The following NPEPL1 variants were observed in gnomAD, a reference collection of about 807,000 sequenced individuals.
NPEPL1 encodes probable aminopeptidase NPEPL1.
Under a neutral mutation model 52.4 loss-of-function variants are expected in NPEPL1, and 45 were observed. The observed-to-expected ratio is 0.86, with a 90% CI of 0.68 to 1.10. The LOEUF (loss-of-function observed/expected upper bound fraction) is 1.10, where lower values mean the gene tolerates loss of function less well. NPEPL1 is among the 50% of genes least tolerant of loss of function. NPEPL1 has a pLI of 0.00. For synonymous variants in NPEPL1, 360 were observed against 314.7 expected (o/e 1.14, Z -1.52); for missense variants, 696 against 710.9 (o/e 0.98, Z 0.24).
At chr20:58,700,893 A>C (rs6070554) in intron 5 of NPEPL1, 123 bp from the exon 6 acceptor site, 1,022,913 of 1,037,666 alleles carry the variant, frequency 0.99, 504,202 homozygotes, top group East Asian at 1. Flanking sequence ...GGCAGGGAGC[A>C]CCAGGCTCAG....
chr20:58,694,038 G>A (rs2123078631), intron 2 of NPEPL1, 116 bp downstream of exon 2: 6 of 1,023,016 alleles, frequency 5.9e-6, no homozygotes, highest in Non-Finnish European at 8.3e-6. Context: ...GGCTGTGGAC[G>A]TTATCATCCC....
intron 7 of NPEPL1, among the ~76,000 whole-genome samples, chr20:58,707,915 T>C (rs759732310): frequency 1.3e-5 from 2 of 151,752 alleles, no homozygotes; most frequent in Non-Finnish European, 2.9e-5. Flanking sequence ...CCCGTTTCTA[T>C]AAAAAAAAAT....
chr20:58,700,542 G>A (rs1209694184), intron 5 of NPEPL1, among the ~76,000 whole-genome samples: 3 of 152,186 alleles, frequency 2.0e-5, no homozygotes, highest in South Asian at 2.1e-4. Context: ...CTCTGCACAC[G>A]CACAGGCCAC....
chr20:58,698,831 C>A, intron 4 of NPEPL1, 58 bp downstream of exon 4: 1 of 1,428,954 alleles, frequency 7.0e-7, no homozygotes. Context: ...TCATAGACTC[C>A]CAGGAGAGCC....
intron 7 of NPEPL1, chr20:58,711,122 T>TCCTCCCCCTCTCCTCCTCCCCCTC: frequency 2.2e-5 from 1 of 46,144 alleles, no homozygotes; most frequent in Non-Finnish European, 3.9e-5. Context: ...CTCCTCCCCC[T>TCCTCCCCCTCTCCTCCTCCCCCTC]CTCCTCCTCC....
At chr20:58,702,527 G>A (rs1342835989) in intron 6 of NPEPL1, among the ~76,000 whole-genome samples, 1 of 152,068 alleles carries the variant, frequency 6.6e-6, no homozygotes, top group Non-Finnish European at 1.5e-5. Flanking sequence ...ATCATAAAAA[G>A]GGTTTTTTGT....
chr20:58,697,988 C>G (rs2084526528), intron 3 of NPEPL1, among the ~76,000 whole-genome samples: 1 of 152,234 alleles, frequency 6.6e-6, no homozygotes, highest in Non-Finnish European at 1.5e-5. Context: ...GAGGCGAGAC[C>G]TCCCTCTGTG....
chr20:58,700,277 G>C (rs1056815894), intron 5 of NPEPL1, among the ~76,000 whole-genome samples: 2 of 152,336 alleles, frequency 1.3e-5, no homozygotes, highest in East Asian at 1.9e-4. Context: ...GCTCACATGA[G>C]GGGGAGGGAC....
chr20:58,690,943 T>TC, upstream of NPEPL1: 1 of 564,656 alleles, frequency 1.8e-6, no homozygotes, highest in African/African-American at 1.9e-5. Flanking sequence ...GTCGATCTCC[T>TC]CACCCACTCC....
rs368998024 is a variant in NPEPL1 at position 58,712,500 on chromosome 20, G to T, written c.922G>T (p.Ala308Ser). ...CCAGGGTTTCAAAGACAACCTCCAC[G>T]CTGTGTTCTGCTTGGCTGAGAACTC... ...IKQGFKDNLH[A>S]VFCLAENSVG... The change falls in exon 8 of 12, where the codon GCT (alanine) becomes TCT (serine). Residue 308 changes from alanine (A) to serine (S), a missense_variant. By Grantham distance (99) the Ala-to-Ser change is moderately conservative (BLOSUM62 1). Coordinates refer to ENST00000356091, the MANE Select transcript of NPEPL1 (RefSeq NM_024663.4). 1 of 1,613,142 alleles carries T rather than the reference G, an allele frequency of 6.2e-7. No homozygotes were observed. Among genetic ancestry groups the T allele is most frequent in the South Asian group, 1.1e-5 (1 of 91,040 alleles).
chr20:58,714,954 G>A, intron 11 of NPEPL1: 1 of 631,246 alleles, frequency 1.6e-6, no homozygotes, highest in South Asian at 2.0e-5. Flanking sequence ...GAGCACACAG[G>A]GCCTTGCCCC....
At position 58,713,090 on chromosome 20, in the gene NPEPL1, G is replaced by T; in HGVS notation, c.1002-330G>T. The T allele has an allele frequency of 2.7e-6, 1 of 369,610 alleles. No individual in the cohort carries two copies. Among genetic ancestry groups the T allele is most frequent in the Non-Finnish European group, 5.1e-6 (1 of 195,592 alleles). 22.9% of individuals were successfully genotyped at this position (369,610 alleles called of 1,614,324 possible). A position where few individuals can be genotyped will look rare whatever the true frequency, so the allele number is the denominator to read the frequency against. Reference sequence around the variant, plus strand: ...TCCTGCTCTTCCTCCCCATCTGCCGGGTGCCAGGCACAGTGTGCTGAAGGC... The same window carrying T: ...TCCTGCTCTTCCTCCCCATCTGCCGTGTGCCAGGCACAGTGTGCTGAAGGC... On this transcript the variant is annotated intron_variant, in intron 8 of 11. Transcript: ENST00000356091. This position sits in a 1 kb window ranked among gnomAD's most constrained non-coding sequence, Gnocchi z 4.6.
intron 6 of NPEPL1, chr20:58,704,168 A>G: frequency 1.0e-6 from 1 of 985,328 alleles, no homozygotes; most frequent in Non-Finnish European, 1.2e-6. Flanking sequence ...CTGGTGTGAA[A>G]CGCAGACGCA....
chr20:58,699,225 G>A lies in NPEPL1; in HGVS notation c.626G>A (p.Gly209Glu), dbSNP rs768829147. ...ATTAACAAAGTTGGAAAGGAGCTGGGGATCATCCCAACCATCATCCGGGAT... is the reference window on the plus strand; with the variant it reads ...ATTAACAAAGTTGGAAAGGAGCTGGAGATCATCCCAACCATCATCCGGGAT... ...EEINKVGKELGIIPTIIRDEE... is the reference protein window; with the variant it reads ...EEINKVGKELEIIPTIIRDEE... The change falls in exon 5 of 12, where the codon GGG becomes GAG. Residue 209 changes from glycine (G) to glutamate (E), a missense_variant. By Grantham distance (98) the Gly-to-Glu change is moderately conservative. Coordinates refer to ENST00000356091, the MANE Select transcript of NPEPL1 (RefSeq NM_024663.4). 18 of 1,604,414 alleles carry A rather than the reference G, an allele frequency of 1.1e-5. No individual in the cohort carries two copies. The African/African-American group carries it at 2.4e-4, about 21-fold the overall frequency.
At position 58,712,576 on chromosome 20, in the gene NPEPL1, G is replaced by A. The variant is rs928728115; in HGVS notation, c.998G>A (p.Gly333Glu). ...RPDDIHLLYS[G>E]KTVEINNTDA... Reference sequence around the variant, plus strand: ...GATGACATCCACCTGCTGTACTCAGGGAAGTACGTCTGGCCCTCCCACTCC... The same window carrying A: ...GATGACATCCACCTGCTGTACTCAGAGAAGTACGTCTGGCCCTCCCACTCC... Residue 333 changes from glycine (G) to glutamate (E), a missense_variant, in exon 8 of 12, where the codon GGG becomes GAG. Physicochemically the swap from Gly to Glu is moderately conservative, Grantham distance 98 (BLOSUM62 -2). Transcript: ENST00000356091. 1.9e-6 allele frequency: 3 copies of A among 1,609,614 alleles called. No individual in the cohort carries two copies. Among genetic ancestry groups the A allele is most frequent in the East Asian group, 2.2e-5 (1 of 44,846 alleles).
chr20:58,691,909 C>T (rs2084356670), upstream of NPEPL1: 19 of 936,956 alleles, frequency 2.0e-5, no homozygotes, highest in South Asian at 2.5e-4. Context: ...TTGCATCTGA[C>T]CCTGTGGGTG....
chr20:58,714,693 G>A lies in NPEPL1; in HGVS notation c.1413+23G>A, dbSNP rs1467060958. On this transcript the variant is annotated intron_variant, in intron 11 of 11. Transcript: ENST00000356091. ...GCTGTGAGTGTCTCCCCTCCCCACT[G>A]GCCCTGGCTGCTCCCGCCCGCTTGT... The A allele has an allele frequency of 1.9e-6, 3 of 1,540,036 alleles. No individual in the cohort carries two copies. In the Admixed American group the frequency reaches 5.6e-5, roughly 29 times the overall value.
At chr20:58,700,890 A>AG in intron 5 of NPEPL1, 126 bp from the exon 6 acceptor site, 1 of 952,018 alleles carries the variant, frequency 1.1e-6, no homozygotes, top group Non-Finnish European at 1.5e-6. Context: ...AGGGGCAGGG[A>AG]GCACCAGGCT....
chr20:58,696,911 A>C (rs751681586), intron 3 of NPEPL1, among the ~76,000 whole-genome samples: 1 of 152,232 alleles, frequency 6.6e-6, no homozygotes, highest in Non-Finnish European at 1.5e-5. Flanking sequence ...GTTAAGCTGC[A>C]GCTGCCACCA....
Sources: gnomAD v4.1 joint callset for allele counts (sites outside exome capture counted in the v4.1 genomes callset) on GRCh38, gnomAD v4.1.1 for gene constraint, Gnocchi (gnomAD v3.1) non-coding constraint, MANE v1.5 for transcripts, NCBI Gene and HGNC (gene_info 2026-07-23, HGNC 2026-07-21) for gene names.